Variants in PPFIBP2 observed in about 807,000 individuals in gnomAD.
The protein encoded by PPFIBP2 is PPFIB scaffold protein 2.
In PPFIBP2, 118 loss-of-function variants were observed where a neutral mutation model predicts 118.3. The ratio of observed to expected loss-of-function variants is 1.00; its 90% confidence interval spans 0.86 to 1.16. The LOEUF is 1.16. PPFIBP2 is among the 50% of genes most tolerant of loss of function. The probability of loss-of-function intolerance (pLI) is 0.00; values close to 1 mark genes in which losing one functional copy is unlikely to be tolerated. For missense variants in PPFIBP2, 1,195 were observed against 1,073.1 expected (o/e 1.11, Z -1.59); for synonymous variants, 414 against 397.4 (o/e 1.04, Z -0.50).
chr11:7,605,964 A>T (rs1296117706), intron 5 of PPFIBP2: 3 of 1,534,664 alleles, frequency 2.0e-6, no homozygotes, highest in Non-Finnish European at 2.6e-6. Flanking sequence ...ACTGAATGGG[A>T]AAGTTAATAA....
At chr11:7,631,765 A>C (rs1206801275) in intron 11 of PPFIBP2, among the ~76,000 whole-genome samples, 1 of 152,196 alleles carries the variant, frequency 6.6e-6, no homozygotes, top group Non-Finnish European at 1.5e-5. Context: ...ATTGACTCAG[A>C]ACAAGCACCC....
rs534960011 is a variant in PPFIBP2, at chr11:7,515,625, A to G, written c.-37+1504A>G. Among the ~76,000 whole-genome samples, 255 of 152,364 alleles carry G rather than the reference A, an allele frequency of 1.7e-3. 2 individuals carry two copies. Among genetic ancestry groups the G allele is most frequent in the Non-Finnish European group, 2.6e-3 (178 of 68,038 alleles). Reference sequence around the variant, plus strand: ...TGTGTGGGCAGGCAGGCATGGACTCACCATGAGAAGTGGCCAGTGGTCCAG... The same window carrying G: ...TGTGTGGGCAGGCAGGCATGGACTCGCCATGAGAAGTGGCCAGTGGTCCAG... On this transcript the variant is annotated intron_variant, in intron 1 of 23. Coordinates refer to ENST00000299492, the MANE Select transcript of PPFIBP2 (RefSeq NM_003621.5).
chr11:7,642,036 CTG>C (rs939369305), intron 16 of PPFIBP2: 1 of 439,972 alleles, frequency 2.3e-6, no homozygotes. Context: ...GAGGCAGAAA[CTG>C]GGGCCTCCTA....
At chr11:7,587,801 C>T (rs954337981) in intron 3 of PPFIBP2, among the ~76,000 whole-genome samples, 7 of 152,180 alleles carry the variant, frequency 4.6e-5, no homozygotes, top group African/African-American at 1.2e-4. Context: ...GATCAAGTGG[C>T]AGGGAGATGA....
chr11:7,655,294 C>G (rs1590839911), downstream of PPFIBP2: 3 of 518,846 alleles, frequency 5.8e-6, no homozygotes, highest in East Asian at 2.1e-4. Flanking sequence ...TCCTCAGGGC[C>G]TGGCCCACTC....
At chr11:7,609,631 G>A (rs1338857959) in intron 5 of PPFIBP2, among the ~76,000 whole-genome samples, 1 of 152,180 alleles carries the variant, frequency 6.6e-6, no homozygotes, top group Admixed American at 6.5e-5. Context: ...TTCTAGTGAT[G>A]GCAGGACTAG....
rs747331369 is a variant in PPFIBP2 at position 7,651,605 on chromosome 11, C to T, written c.2248-51C>T. 4.0e-5 allele frequency: 61 copies of T among 1,524,282 alleles called. No individual in the cohort carries two copies. The East Asian group carries it at 4.6e-4, about 11-fold the overall frequency. 94.4% of individuals were successfully genotyped at this position (1,524,282 alleles called of 1,614,324 possible). On this transcript the variant is annotated intron_variant, in intron 22 of 23. Coordinates refer to ENST00000299492, the MANE Select transcript of PPFIBP2 (RefSeq NM_003621.5). ...GCCAGTCTCTCAGCATCCTCCCCCT[C>T]GAGCCATTTGTATTTGCTCCTGGCC...
At chr11:7,609,175 C>T (rs982876016) in intron 5 of PPFIBP2, among the ~76,000 whole-genome samples, 1 of 152,204 alleles carries the variant, frequency 6.6e-6, no homozygotes, top group African/African-American at 2.4e-5. Flanking sequence ...GATTCATAAT[C>T]TGAGGACGGT....
chr11:7,588,892 A>G (rs1039890259), intron 3 of PPFIBP2, among the ~76,000 whole-genome samples: 23 of 152,210 alleles, frequency 1.5e-4, no homozygotes, highest in African/African-American at 5.3e-4. Context: ...GGCATTCTTT[A>G]GTCAAAATTG....
rs185963061 is a variant in PPFIBP2, at chr11:7,639,932, G to A, written c.1375+62G>A. The A allele has an allele frequency of 1.8e-4, 276 of 1,560,330 alleles. No homozygotes were observed. In the African/African-American group the frequency reaches 3.3e-3, roughly 19 times the overall value. On this transcript the variant is annotated intron_variant, in intron 15 of 23. Coordinates refer to ENST00000299492, the MANE Select transcript of PPFIBP2 (RefSeq NM_003621.5). ...AGTGTCCTTGGCACTTTCAATGATT[G>A]TATAAGATCCCTGCACCTACCACCA... is the stretch of plus-strand genomic sequence containing the variant.
At chr11:7,629,003 T>C (rs1415942550) in intron 9 of PPFIBP2, among the ~76,000 whole-genome samples, 1 of 152,218 alleles carries the variant, frequency 6.6e-6, no homozygotes, top group Non-Finnish European at 1.5e-5. Flanking sequence ...GGCCTTTGCC[T>C]TGAAAGAAAC....
intron 2 of PPFIBP2, among the ~76,000 whole-genome samples, chr11:7,555,378 A>G (rs1372589680): frequency 6.6e-6 from 1 of 152,208 alleles, no homozygotes; most frequent in African/African-American, 2.4e-5. Flanking sequence ...GGTTTGTAAA[A>G]AGAAAACAAC....
At chr11:7,574,815 TTTTGGGGTGTTAA>T (rs1014591183) in intron 3 of PPFIBP2, among the ~76,000 whole-genome samples, 42 of 152,306 alleles carry the variant, frequency 2.8e-4, no homozygotes, top group African/African-American at 1.0e-3. Context: ...CTCCTAGGTC[TTTTGGGGTGTTAA>T]TTTGTGATTT....
intron 3 of PPFIBP2, among the ~76,000 whole-genome samples, chr11:7,567,047 T>G (rs1173547352): frequency 6.6e-6 from 1 of 152,236 alleles, no homozygotes; most frequent in Non-Finnish European, 1.5e-5. Context: ...TCACTCTGTT[T>G]TTAAATAACG....
At position 7,610,431 on chromosome 11, in the gene PPFIBP2, G is replaced by A. The variant is rs536354596; in HGVS notation, c.618+9G>A. 6.2e-7 allele frequency: 1 copy of A among 1,612,778 alleles called. No individual in the cohort carries two copies. Among genetic ancestry groups the A allele is most frequent in the Non-Finnish European group, 8.5e-7 (1 of 1,179,876 alleles). On this transcript the variant is annotated intron_variant, in intron 6 of 23. Coordinates refer to ENST00000299492, the MANE Select transcript of PPFIBP2 (RefSeq NM_003621.5). ...AGCAGAGAAAAGCAGAGGTAAGGGTGAGTGTGTACTGTCCTAAGCTCAGAC... is the reference window on the plus strand; with the variant it reads ...AGCAGAGAAAAGCAGAGGTAAGGGTAAGTGTGTACTGTCCTAAGCTCAGAC...
chr11:7,600,697 C>G (rs962295601), intron 5 of PPFIBP2, among the ~76,000 whole-genome samples: 1 of 152,174 alleles, frequency 6.6e-6, no homozygotes, highest in Non-Finnish European at 1.5e-5. Flanking sequence ...GGTGCTTCCT[C>G]GGGGTTTGCT....
At chr11:7,664,102 G>A in the PPFIBP2 span, among the ~76,000 whole-genome samples, 40 of 152,226 alleles carry the variant, frequency 2.6e-4, no homozygotes, top group African/African-American at 8.7e-4. Context: ...AGAAATCACC[G>A]TCTTCTGCGT....
At chr11:7,519,138 C>T (rs532714835) in intron 1 of PPFIBP2, among the ~76,000 whole-genome samples, 2 of 151,708 alleles carry the variant, frequency 1.3e-5, no homozygotes, top group East Asian at 1.9e-4. Flanking sequence ...GAGAAGATGG[C>T]GACTGGGAAG....
intron 1 of PPFIBP2, among the ~76,000 whole-genome samples, chr11:7,520,065 G>A (rs142254903): frequency 1.1e-3 from 173 of 152,302 alleles, no homozygotes; most frequent in African/African-American, 3.9e-3. Flanking sequence ...TTCGGCACCA[G>A]ATGAAAAGTT....
Sources: allele counts gnomAD v4.1 joint callset (sites outside exome capture counted in the v4.1 genomes callset), GRCh38; gene constraint gnomAD v4.1.1; transcripts MANE v1.5; gene names NCBI Gene and HGNC (gene_info 2026-07-23, HGNC 2026-07-21).